The following BTNL9 variants were observed in gnomAD, a reference collection of about 807,000 sequenced individuals.
The protein encoded by BTNL9 is butyrophilin-like protein 9.
A neutral mutation model predicts 45.8 loss-of-function variants in BTNL9; 45 were observed. The observed-to-expected ratio is 0.98, with a 90% confidence interval of 0.77 to 1.26. BTNL9 has a LOEUF of 1.26. BTNL9 is among the 50% of genes most tolerant of loss of function. The pLI, the probability that BTNL9 is intolerant of heterozygous loss-of-function variation, is 0.00. For missense variants in BTNL9, 784 were observed against 729.7 expected (o/e 1.07, Z -0.86); for synonymous variants, 346 against 330.8 (o/e 1.05, Z -0.50).
rs781287474 is a variant in BTNL9, at chr5:181,045,564, C to A, written c.75C>A (p.His25Gln). The A allele has an allele frequency of 6.2e-7, 1 of 1,612,352 alleles. No homozygotes were observed. The highest frequency in any genetic ancestry group is 1.1e-5 in the South Asian group (1 of 91,064). ...CCAGCAGTCTTGTCTTCCTCATGCA[C>A]CTCCTCCTCCTTCAGCCTGGGGAGC... ...SLTSSLVFLM[H>Q]LLLLQPGEPS... The change falls in exon 2 of 11, where the codon CAC becomes CAA. Residue 25 changes from histidine (H) to glutamine (Q), a missense_variant. By Grantham distance (24) the His-to-Gln change is conservative. Transcript: ENST00000327705.
At chr5:181,047,515 G>A (rs567637043) in intron 2 of BTNL9, 15 of 992,140 alleles carry the variant, frequency 1.5e-5, no homozygotes, top group Admixed American at 5.6e-5. Flanking sequence ...TCTCCTTTCA[G>A]GTATTTTTCT....
Position 181,059,118 on chromosome 5 carries a change from A to G in BTNL9, c.983-119A>G, listed in dbSNP as rs1175990951. 2.9e-6 allele frequency: 4 copies of G among 1,394,166 alleles called. No individual in the cohort carries two copies. The African/African-American group carries it at 6.1e-5, about 21-fold the overall frequency. 86.4% of individuals were successfully genotyped at this position (1,394,166 alleles called of 1,614,324 possible). On this transcript the variant is annotated intron_variant, in intron 10 of 10. Coordinates refer to ENST00000327705, the MANE Select transcript of BTNL9 (RefSeq NM_152547.5). ...GGTTTGCAGGGGTGAGGGTCGGGGT[A>G]AGGGGTTCATTTCCTCGATTATTCC...
chr5:181,046,650 T>C (rs1761175538), intron 2 of BTNL9, among the ~76,000 whole-genome samples: 1 of 151,978 alleles, frequency 6.6e-6, no homozygotes, highest in South Asian at 2.1e-4. Flanking sequence ...GCTGTCCATT[T>C]ATGTGACCAT....
At position 181,059,676 on chromosome 5, in the gene BTNL9, C is replaced by T. The variant is rs1762072170; in HGVS notation, c.1422C>T (p.Phe474=). The T allele has an allele frequency of 6.2e-7, 1 of 1,613,632 alleles. No homozygotes were observed. The highest frequency in any genetic ancestry group is 1.7e-5 in the Admixed American group (1 of 60,018). The change falls in exon 11 of 11, where the codon TTC becomes TTT. Residue 474 remains phenylalanine, a synonymous_variant. Coordinates refer to ENST00000327705, the MANE Select transcript of BTNL9 (RefSeq NM_152547.5). ...NVSDGSHIFT[F]HDTFSGALCA... ...CCGACGGCTCCCACATCTTCACCTTCCACGACACCTTCTCGGGCGCGCTCT... is the reference window on the plus strand; with the variant it reads ...CCGACGGCTCCCACATCTTCACCTTTCACGACACCTTCTCGGGCGCGCTCT...
intron 1 of BTNL9, among the ~76,000 whole-genome samples, chr5:181,041,951 T>TA (rs1356392788): frequency 6.6e-6 from 1 of 152,024 alleles, no homozygotes; most frequent in Non-Finnish European, 1.5e-5. Context: ...ATAAATTATC[T>TA]AAAAAAATAA....
At chr5:181,058,225 G>A in intron 9 of BTNL9, 127 bp from the exon 10 acceptor site, 1 of 1,143,542 alleles carries the variant, frequency 8.7e-7, no homozygotes, top group Non-Finnish European at 1.3e-6. Context: ...ATTCAAACCA[G>A]TTGTCACAGT....
Position 181,053,267 on chromosome 5 carries a change from C to A in BTNL9, c.804C>A (p.Val268=). 1 of 1,587,676 alleles carries A rather than the reference C, an allele frequency of 6.3e-7. No homozygotes were observed. Among genetic ancestry groups the A allele is most frequent in the Admixed American group, 1.7e-5 (1 of 58,138 alleles). The change falls in exon 5 of 11, where the codon GTC becomes GTA. Residue 268 remains valine (V), a synonymous_variant. Transcript: ENST00000327705. This position sits in a 1 kb window ranked among gnomAD's most constrained non-coding sequence, Gnocchi z 6.5. ...AFVATLPLLL[V]LAALALGVLR... ...TCGCGACCCTGCCGCTGCTGTTGGT[C>A]CTCGCGGCGCTGGCGCTGGGCGTCC...
chr5:181,048,950 A>AT (rs2113195247), intron 3 of BTNL9, among the ~76,000 whole-genome samples: 1 of 128,426 alleles, frequency 7.8e-6, no homozygotes, highest in South Asian at 2.6e-4. Context: ...TATATAATAT[A>AT]TAATATATTG....
chr5:181,058,248 A>T, intron 9 of BTNL9, 104 bp from the exon 10 acceptor site: 13 of 1,337,078 alleles, frequency 9.7e-6, no homozygotes, highest in Non-Finnish European at 1.4e-5. Context: ...GAATGGGGTC[A>T]TTCGATCTGC....
At position 181,042,782 on chromosome 5, in the gene BTNL9, T is replaced by C. The variant is rs1247866206; in HGVS notation, c.-24+2350T>C. Among the ~76,000 whole-genome samples, 1 of 152,220 alleles carries C rather than the reference T, an allele frequency of 6.6e-6. No homozygotes were observed. Among genetic ancestry groups the C allele is most frequent in the African/African-American group, 2.4e-5 (1 of 41,458 alleles). On this transcript the variant is annotated intron_variant, in intron 1 of 10. Transcript: ENST00000327705. This position sits in a 1 kb window ranked among gnomAD's most constrained non-coding sequence, Gnocchi z 4.5. Reference sequence around the variant, plus strand: ...CATTAGTTGGCTGGTTGGCTGGTTTTGTGGCTGGCACCGTGTGAGCCGGTC... The same window carrying C: ...CATTAGTTGGCTGGTTGGCTGGTTTCGTGGCTGGCACCGTGTGAGCCGGTC...
At chr5:181,054,111 A>G (rs1002548004) in intron 6 of BTNL9, 128 bp from the exon 7 acceptor site, 2 of 1,556,912 alleles carry the variant, frequency 1.3e-6, no homozygotes, top group African/African-American at 2.7e-5. Context: ...GGGCCCGCAG[A>G]CCACCGCGGG....
Position 181,053,619 on chromosome 5 carries a change from C to CCGGGGAA in BTNL9, c.886+125_886+131dup. The CCGGGGAA allele has an allele frequency of 6.5e-7, 1 of 1,546,178 alleles. No individual in the cohort carries two copies. The highest frequency in any genetic ancestry group is 1.2e-5 in the South Asian group (1 of 83,832). On this transcript the variant is annotated intron_variant, in intron 6 of 10. Transcript: ENST00000327705. This position sits in a 1 kb window ranked among gnomAD's most constrained non-coding sequence, Gnocchi z 6.5. ...CCAGCGCGAGGTGTCAGGGCGGCCACCGGGGAACGGGGATCGGTGACCCCG... is the reference window on the plus strand; with the variant it reads ...CCAGCGCGAGGTGTCAGGGCGGCCACCGGGGAACGGGGAACGGGGATCGGTGACCCCG...
intron 7 of BTNL9, chr5:181,054,718 A>G: frequency 3.0e-6 from 3 of 985,218 alleles, no homozygotes; most frequent in Non-Finnish European, 3.6e-6. Flanking sequence ...AGGGAGGGGG[A>G]ATGGAGGAAA....
intron 6 of BTNL9, 50 bp from the exon 7 acceptor site, chr5:181,054,189 C>T: frequency 6.2e-7 from 1 of 1,612,710 alleles, no homozygotes; most frequent in Non-Finnish European, 8.5e-7. Flanking sequence ...CATTCCCCAA[C>T]CTGAGAGTCT....
Position 181,048,256 on chromosome 5 carries a change from G to A in BTNL9, c.439G>A (p.Glu147Lys). Residue 147 changes from glutamate to lysine, a missense_variant, in exon 3 of 11, where the codon GAA becomes AAA. Transcript: ENST00000327705. ...CAACTTCTCTGGCGAAGCTCTCTGG[G>A]AACTGGAGGTAGCAGGTGCGTGGAC... ...SDNFSGEALWELEVAGLGSDP... is the reference protein window; with the variant it reads ...SDNFSGEALWKLEVAGLGSDP... 6.2e-7 allele frequency: 1 copy of A among 1,610,456 alleles called. No individual in the cohort carries two copies. The highest frequency in any genetic ancestry group is 8.5e-7 in the Non-Finnish European group (1 of 1,177,800).
chr5:181,048,882 T>TTATATA (rs1761376854), intron 3 of BTNL9, among the ~76,000 whole-genome samples: 16 of 140,356 alleles, frequency 1.1e-4, no homozygotes, highest in Admixed American at 2.2e-4. Context: ...TTATATAATA[T>TTATATA]ATCATATATA....
Position 181,053,694 on chromosome 5 carries a change from C to T in BTNL9, c.886+193C>T, listed in dbSNP as rs1718621459. 2 of 1,512,914 alleles carry T rather than the reference C, an allele frequency of 1.3e-6. No individual in the cohort carries two copies. Among genetic ancestry groups the T allele is most frequent in the Non-Finnish European group, 1.8e-6 (2 of 1,128,034 alleles). The allele number at this position is 1,512,914 out of a possible 1,614,324, so 93.7% of individuals were successfully genotyped here. A position where few individuals can be genotyped will look rare whatever the true frequency, so the allele number is the denominator to read the frequency against. ...TATGGACAAAAGCGGAGGTGCGGAA[C>T]GGCTGCATTTTCCACGGAGGCTAGT... On this transcript the variant is annotated intron_variant, in intron 6 of 10. Transcript: ENST00000327705. The surrounding 1 kb of genome is among the most constrained non-coding windows in gnomAD (Gnocchi z 6.5).
At chr5:181,052,240 T>C in intron 4 of BTNL9, among the ~76,000 whole-genome samples, 1 of 152,210 alleles carries the variant, frequency 6.6e-6, no homozygotes, top group East Asian at 1.9e-4. Flanking sequence ...AAATGCCGTC[T>C]GATTCCACGG....
Position 181,059,727 on chromosome 5 carries a change from C to G in BTNL9, c.1473C>G (p.His491Gln), listed in dbSNP as rs147052698. ...GTGCGTACTTCAGGCCCAGGGCCCACGACGGCGGCGAACATCCGGATCCCC... is the reference window on the plus strand; with the variant it reads ...GTGCGTACTTCAGGCCCAGGGCCCAGGACGGCGGCGAACATCCGGATCCCC... ...ALCAYFRPRA[H>Q]DGGEHPDPLT... The change falls in exon 11 of 11, where the codon CAC becomes CAG. Residue 491 changes from histidine to glutamine, a missense_variant. By Grantham distance (24) the His-to-Gln change is conservative (BLOSUM62 0). Transcript: ENST00000327705. 2 of 1,613,096 alleles carry G rather than the reference C, an allele frequency of 1.2e-6. No individual in the cohort carries two copies. Among genetic ancestry groups the G allele is most frequent in the African/African-American group, 1.3e-5 (1 of 74,928 alleles).
Sources: gnomAD v4.1 joint callset for allele counts (sites outside exome capture counted in the v4.1 genomes callset) on GRCh38, gnomAD v4.1.1 for gene constraint, Gnocchi (gnomAD v3.1) non-coding constraint, MANE v1.5 for transcripts, NCBI Gene and HGNC (gene_info 2026-07-23, HGNC 2026-07-21) for gene names.